Variants in ASXL3 observed in about 807,000 individuals in gnomAD.
ASXL3 encodes ASXL transcriptional regulator 3, also known as putative Polycomb group protein ASXL3.
A neutral mutation model predicts 170.6 loss-of-function variants in ASXL3; 34 were observed. The ratio of observed to expected loss-of-function variants is 0.20; its 90% CI spans 0.15 to 0.27. ASXL3 has a LOEUF of 0.27. ASXL3 is among the 10% of genes least tolerant of loss of function. The pLI is 1.00. For synonymous variants in ASXL3, 1,002 were observed against 989.1 expected, an observed-to-expected ratio of 1.01 and a Z score of -0.24; for missense variants, 2,592 against 2,695.3, an observed-to-expected ratio of 0.96 and a Z score of 0.85.
rs1479669403 is a variant in ASXL3, at chr18:33,749,564, A to G, written c.*2969A>G. ...ATATGCATATGCCTGAGGTGTATAA[A>G]GACATTTAGGTTAGTTAATGGGCAT... On this transcript the variant is annotated 3_prime_UTR_variant, in exon 12 of 12. Transcript: ENST00000269197. 1 of 152,138 alleles carries G rather than the reference A, an allele frequency of 6.6e-6. No individual in the cohort carries two copies. The highest frequency in any genetic ancestry group is 1.5e-5 in the Non-Finnish European group (1 of 68,022). The allele number at this position is 152,138 out of a possible 1,614,324, so 9.4% of individuals were successfully genotyped here.
intron 10 of ASXL3, among the ~76,000 whole-genome samples, chr18:33,737,058 G>T (rs947890281): frequency 2.0e-5 from 3 of 151,940 alleles, no homozygotes; most frequent in African/African-American, 4.8e-5. Flanking sequence ...AGATTATTCT[G>T]CTTTAAATTT....
intron 5 of ASXL3, among the ~76,000 whole-genome samples, chr18:33,670,043 T>C (rs1044132931): frequency 2.0e-5 from 3 of 152,182 alleles, no homozygotes; most frequent in Non-Finnish European, 4.4e-5. Context: ...GAATCTGTCA[T>C]GTTCGTGTTC....
intron 8 of ASXL3, among the ~76,000 whole-genome samples, chr18:33,687,510 C>T (rs1301805199): frequency 6.6e-6 from 1 of 152,156 alleles, no homozygotes; most frequent in Non-Finnish European, 1.5e-5. Context: ...TTGACTACCC[C>T]AAGTTTCTGC....
In ASXL3 at chr18:33,651,030, G is replaced by C. The variant is rs1036377469; in HGVS notation, c.355+4677G>C. ...TGTCCCATCCAAATTGCAAGCCCAG[G>C]TGTGACACCAAAGGCCAGACTCTCA... On this transcript the variant is annotated intron_variant, in intron 4 of 11. Coordinates refer to ENST00000269197, the MANE Select transcript of ASXL3 (RefSeq NM_030632.3). Among the ~76,000 whole-genome samples, 3 of 152,142 alleles carry C rather than the reference G, an allele frequency of 2.0e-5. No homozygotes were observed. In the East Asian group the frequency reaches 5.8e-4, roughly 30 times the overall value.
chr18:33,597,314 C>G (rs554343626), intron 1 of ASXL3, among the ~76,000 whole-genome samples: 13 of 152,156 alleles, frequency 8.5e-5, no homozygotes, highest in African/African-American at 2.4e-4. Context: ...TGCGTCCTCT[C>G]TATGTATTGT....
intron 8 of ASXL3, among the ~76,000 whole-genome samples, chr18:33,698,642 A>C (rs1017265925): frequency 1.3e-5 from 2 of 152,134 alleles, no homozygotes; most frequent in Non-Finnish European, 2.9e-5. Context: ...AAATTTCCAA[A>C]TGTTAATGGC....
chr18:33,622,003 A>G (rs893464711), intron 2 of ASXL3, among the ~76,000 whole-genome samples: 7 of 152,324 alleles, frequency 4.6e-5, no homozygotes, highest in South Asian at 2.1e-4. Context: ...ACAGTAAAAT[A>G]TAATGGTCTG....
chr18:33,742,510 C>CT (rs1346138756), intron 11 of ASXL3, among the ~76,000 whole-genome samples: 4 of 152,234 alleles, frequency 2.6e-5, no homozygotes, highest in Admixed American at 2.6e-4. Context: ...TGAAGTTCCA[C>CT]TTTTTTATGC....
rs921071366 is a variant in ASXL3 at position 33,750,689 on chromosome 18, C to T, written c.*4094C>T. On this transcript the variant is annotated 3_prime_UTR_variant, in exon 12 of 12. Transcript: ENST00000269197. ...CAGCAAAATGTGAAATCAACCCAAA[C>T]ATAACATGCATGACAAACACAGATT... 1 of 152,100 alleles carries T rather than the reference C, an allele frequency of 6.6e-6. No homozygotes were observed. The highest frequency in any genetic ancestry group is 2.4e-5 in the African/African-American group (1 of 41,418). The allele number at this position is 152,100 out of a possible 1,614,324, so 9.4% of individuals were successfully genotyped here.
In ASXL3 at chr18:33,739,158, A is replaced by G. The variant is rs1190145742; in HGVS notation, c.1754A>G (p.Asn585Ser). 6.2e-7 allele frequency: 1 copy of G among 1,613,682 alleles called. No homozygotes were observed. The highest frequency in any genetic ancestry group is 8.5e-7 in the Non-Finnish European group (1 of 1,179,814). Residue 585 changes from asparagine to serine, a missense_variant, in exon 11 of 12, where the codon AAT (asparagine) becomes AGT (serine). Transcript: ENST00000269197. ...TCTTCTCTAGAAGGCCAGTTTCCAAATGAAGGAATTGCTATAGATATGGAG... is the reference window on the plus strand; with the variant it reads ...TCTTCTCTAGAAGGCCAGTTTCCAAGTGAAGGAATTGCTATAGATATGGAG... ...GSSSLEGQFP[N>S]EGIAIDMELQ...
At chr18:33,640,784 TATTA>T (rs1318567134) in intron 2 of ASXL3, among the ~76,000 whole-genome samples, 3 of 152,050 alleles carry the variant, frequency 2.0e-5, no homozygotes, top group African/African-American at 4.8e-5. Context: ...TAATTGTTTA[TATTA>T]ATTTATATTA....
At chr18:33,668,286 G>A (rs2145248476) in intron 5 of ASXL3, among the ~76,000 whole-genome samples, 1 of 152,140 alleles carries the variant, frequency 6.6e-6, no homozygotes, top group East Asian at 1.9e-4. Flanking sequence ...ATATTAGCCA[G>A]GGGTGGTGGT....
At chr18:33,590,117 T>TTTTTTTTTTTTTTTTTTTTTTTTTTTG (rs1354164950) in intron 1 of ASXL3, among the ~76,000 whole-genome samples, 1 of 147,360 alleles carries the variant, frequency 6.8e-6, no homozygotes, top group African/African-American at 2.6e-5. Flanking sequence ...CTATGTTTTT[T>TTTTTTTTTTTTTTTTTTTTTTTTTTTG]TTTTTTTTTT....
intron 8 of ASXL3, among the ~76,000 whole-genome samples, chr18:33,699,014 A>G (rs902615921): frequency 6.6e-6 from 1 of 152,192 alleles, no homozygotes; most frequent in African/African-American, 2.4e-5. Context: ...TAATAAAAAG[A>G]CAACAATAAA....
intron 4 of ASXL3, among the ~76,000 whole-genome samples, chr18:33,647,959 GT>G (rs2065939802): frequency 6.6e-6 from 1 of 152,032 alleles, no homozygotes; most frequent in African/African-American, 2.4e-5. Flanking sequence ...GGGAACAGCA[GT>G]TACAAAGGCA....
intron 5 of ASXL3, among the ~76,000 whole-genome samples, chr18:33,663,288 T>C (rs1599463274): frequency 6.6e-6 from 1 of 152,208 alleles, no homozygotes; most frequent in East Asian, 1.9e-4. Flanking sequence ...GAAACATAAA[T>C]GGGATCATAA....
intron 8 of ASXL3, among the ~76,000 whole-genome samples, chr18:33,719,360 T>C (rs1336480478): frequency 6.6e-6 from 1 of 151,984 alleles, no homozygotes; most frequent in East Asian, 1.9e-4. Flanking sequence ...TTTCCCTTCT[T>C]GTACTTCTGT....
Position 33,739,463 on chromosome 18 carries a change from C to T in ASXL3, c.2059C>T (p.Pro687Ser). Residue 687 changes from proline to serine, a missense_variant, in exon 11 of 12, where the codon CCT becomes TCT. Around this residue, in one of 4 missense-constraint regions of ASXL3, gnomAD observed 2,246 missense variants for 2,219.6 expected, o/e 1.01. Coordinates refer to ENST00000269197, the MANE Select transcript of ASXL3 (RefSeq NM_030632.3). ...MSEISPISTS[P>S]EISEASLMSN... ...AGAAATATCTCCAATATCCACTTCA[C>T]CTGAAATATCAGAAGCATCTCTTAT... 3.1e-6 allele frequency: 5 copies of T among 1,613,968 alleles called. No homozygotes were observed. Among genetic ancestry groups the T allele is most frequent in the Non-Finnish European group, 4.2e-6 (5 of 1,179,876 alleles).
intron 1 of ASXL3, among the ~76,000 whole-genome samples, chr18:33,600,245 G>T (rs543959215): frequency 6.6e-6 from 1 of 152,234 alleles, no homozygotes; most frequent in East Asian, 1.9e-4. Flanking sequence ...AACGTATTTT[G>T]TGTATAACTT....
Sources: gnomAD v4.1 joint callset for allele counts (sites outside exome capture counted in the v4.1 genomes callset) on GRCh38, gnomAD v4.1.1 for gene constraint, gnomAD v4.1.1 regional missense constraint, MANE v1.5 for transcripts, NCBI Gene and HGNC (gene_info 2026-07-23, HGNC 2026-07-21) for gene names.